Variants in DNAH17 observed in about 807,000 individuals in gnomAD.
DNAH17 encodes axonemal beta dynein heavy chain 17.
DNAH17 carries 376 observed loss-of-function variants against 485.6 expected under a neutral mutation model. That is an observed-to-expected ratio of 0.77 (90% CI 0.71 to 0.84). The LOEUF (loss-of-function observed/expected upper bound fraction) is 0.84. DNAH17 is among the 40% of genes least tolerant of loss of function. The pLI, the probability that DNAH17 is intolerant of heterozygous loss-of-function variation, is 0.00. For missense variants in DNAH17, 6,370 were observed against 5,839.3 expected (o/e 1.09, Z -2.96); for synonymous variants, 3,031 against 2,405.9 (o/e 1.26, Z -7.60).
At chr17:78,532,805 C>T in intron 19 of DNAH17, 69 bp from the exon 20 acceptor site, 2 of 1,468,480 alleles carry the variant, frequency 1.4e-6, no homozygotes, top group South Asian at 2.8e-5. Context: ...GTGTTGTCCT[C>T]TCGGCCTTGA....
At position 78,450,488 on chromosome 17, in the gene DNAH17, G is replaced by A. The variant is rs2087499811; in HGVS notation, c.10900-94C>T. 13 of 1,531,702 alleles carry A rather than the reference G, an allele frequency of 8.5e-6. No individual in the cohort carries two copies. The South Asian group carries it at 1.4e-4, about 17-fold the overall frequency. 94.9% of individuals were successfully genotyped at this position (1,531,702 alleles called of 1,614,324 possible). The stretch of plus-strand genomic sequence containing the variant: ...CCCAGCCACCAGCCTCGCTCCCTGG[G>A]AAGCCACCCAAGGGCTCTCAGCAGC... On this transcript the variant is annotated intron_variant, in intron 67 of 80. Transcript: ENST00000389840.
chr17:78,434,253 G>C, intron 74 of DNAH17, 33 bp from the exon 75 acceptor site: 2 of 1,572,960 alleles, frequency 1.3e-6, no homozygotes. Context: ...AGGTATTAGG[G>C]AGAGGGAGAA....
At chr17:78,455,895 C>T in intron 62 of DNAH17, 59 bp from the exon 63 acceptor site, 2 of 1,395,992 alleles carry the variant, frequency 1.4e-6, no homozygotes, top group South Asian at 1.5e-5. Context: ...CTGGACCAGA[C>T]AAGCCTCCAC....
At chr17:78,500,185 G>A in intron 36 of DNAH17, 120 bp downstream of exon 36, 1 of 1,175,728 alleles carries the variant, frequency 8.5e-7, no homozygotes, top group Non-Finnish European at 1.2e-6. Flanking sequence ...CTCCTCTCCA[G>A]TGCCATTCAC....
intron 36 of DNAH17, 157 bp downstream of exon 36, chr17:78,500,148 G>T: frequency 1.3e-6 from 1 of 785,090 alleles, no homozygotes. Flanking sequence ...TGAGGGGGAT[G>T]CTACCAGCAA....
intron 80 of DNAH17, chr17:78,424,898 C>T (rs2086361888): frequency 1.2e-5 from 2 of 160,542 alleles, no homozygotes; most frequent in South Asian, 1.7e-4. Flanking sequence ...GCCTCTTTTC[C>T]CTTGAACCCT....
intron 58 of DNAH17, 65 bp downstream of exon 58, chr17:78,461,479 G>T (rs1288784005): frequency 4.9e-6 from 7 of 1,420,922 alleles, no homozygotes; most frequent in Admixed American, 2.9e-5. Context: ...ACCACACGTG[G>T]AAGCCCAGGA....
Position 78,458,987 on chromosome 17 carries a change from G to C in DNAH17, c.9861+14C>G. ...TCTGGTGTTTCGCAGGGACGGGAGC[G>C]AGCCGGCACTTACGGCAATCTTGTT... On this transcript the variant is annotated intron_variant, in intron 61 of 80. Coordinates refer to ENST00000389840, the MANE Select transcript of DNAH17 (RefSeq NM_173628.4). 1 of 1,613,646 alleles carries C rather than the reference G, an allele frequency of 6.2e-7. No individual in the cohort carries two copies. The highest frequency in any genetic ancestry group is 8.5e-7 in the Non-Finnish European group (1 of 1,179,722).
At chr17:78,438,861 C>T (rs562435036) in intron 73 of DNAH17, among the ~76,000 whole-genome samples, 75 of 152,226 alleles carry the variant, frequency 4.9e-4, no homozygotes, top group African/African-American at 1.5e-3. Context: ...TCCCTCTCAC[C>T]GTTGAAGAAT....
chr17:78,567,895 C>T (rs1598742407), intron 9 of DNAH17, among the ~76,000 whole-genome samples: 1 of 152,168 alleles, frequency 6.6e-6, no homozygotes, highest in Admixed American at 6.5e-5. Context: ...CTTCTGTGCC[C>T]CTGCACCTAC....
chr17:78,475,576 C>T, intron 53 of DNAH17, 93 bp downstream of exon 53: 1 of 1,598,938 alleles, frequency 6.3e-7, no homozygotes, highest in South Asian at 1.1e-5. Flanking sequence ...GCCACGCAGC[C>T]CCACACAATG....
intron 27 of DNAH17, among the ~76,000 whole-genome samples, 178 bp downstream of exon 27, chr17:78,510,206 A>T (rs1170706844): frequency 1.3e-5 from 2 of 152,154 alleles, no homozygotes; most frequent in Non-Finnish European, 2.9e-5. Context: ...ATAATAAACA[A>T]ACAAATAGAT....
intron 26 of DNAH17, among the ~76,000 whole-genome samples, chr17:78,511,235 G>C (rs2090628562): frequency 6.6e-6 from 1 of 152,164 alleles, no homozygotes; most frequent in Non-Finnish European, 1.5e-5. Flanking sequence ...AGCCTCCCAA[G>C]TAGCTGGGAC....
At chr17:78,496,881 C>G (rs1365949694) in intron 37 of DNAH17, 1 of 151,886 alleles carries the variant, frequency 6.6e-6, no homozygotes, top group Admixed American at 6.6e-5. Context: ...ACCATGCTAG[C>G]AAGGATGGTC....
intron 74 of DNAH17, among the ~76,000 whole-genome samples, chr17:78,435,363 G>A (rs990058725): frequency 1.3e-5 from 2 of 152,098 alleles, no homozygotes; most frequent in Non-Finnish European, 2.9e-5. Context: ...ACCCACCACC[G>A]CTTCTTCCTG....
At chr17:78,487,962 T>A (rs1423690534) in intron 44 of DNAH17, among the ~76,000 whole-genome samples, 8 of 152,198 alleles carry the variant, frequency 5.3e-5, no homozygotes, top group Admixed American at 1.3e-4. Flanking sequence ...TAAACCTTTC[T>A]ATGTCCCTAA....
chr17:78,460,103 C>G, intron 59 of DNAH17, 59 bp downstream of exon 59: 1 of 1,578,726 alleles, frequency 6.3e-7, no homozygotes, highest in Non-Finnish European at 8.6e-7. Context: ...ACGCCAACAG[C>G]GAAGGCAGCT....
Position 78,558,118 on chromosome 17 carries a change from C to A in DNAH17, c.2168G>T (p.Trp723Leu), listed in dbSNP as rs1255550191. 1 of 1,613,210 alleles carries A rather than the reference C, an allele frequency of 6.2e-7. No individual in the cohort carries two copies. Among genetic ancestry groups the A allele is most frequent in the African/African-American group, 1.3e-5 (1 of 75,010 alleles). ...FVGNLELIVG[W>L]YNEIKTIVKA... ...GACTCACCAACTCACCTCATTATAC[C>A]AGCCAACGATGAGCTCCAGGTTGCC... The change falls in exon 14 of 81, where the codon TGG becomes TTG. Residue 723 changes from tryptophan to leucine, a missense_variant. Physicochemically the swap from Trp to Leu is moderately conservative, Grantham distance 61 (BLOSUM62 -2). Coordinates refer to ENST00000389840, the MANE Select transcript of DNAH17 (RefSeq NM_173628.4).
intron 54 of DNAH17, among the ~76,000 whole-genome samples, chr17:78,469,478 G>T (rs77630392): frequency 3.9e-5 from 6 of 152,268 alleles, no homozygotes; most frequent in Admixed American, 3.9e-4. Flanking sequence ...GGCCAGGTGC[G>T]GTGGCTCATG....
Sources: allele counts gnomAD v4.1 joint callset (sites outside exome capture counted in the v4.1 genomes callset), GRCh38; gene constraint gnomAD v4.1.1; transcripts MANE v1.5; gene names NCBI Gene and HGNC (gene_info 2026-07-23, HGNC 2026-07-21).